The following LINGO2 variants were observed in gnomAD, a reference collection of about 807,000 sequenced individuals.
LINGO2 encodes the protein leucine rich repeat and Ig domain containing 2.
A neutral mutation model predicts 30.6 loss-of-function variants in LINGO2; 14 were observed. The ratio of observed to expected loss-of-function variants is 0.46; its 90% CI spans 0.30 to 0.72. LINGO2 has a LOEUF of 0.72. Ranked by LOEUF, LINGO2 falls within the 30% of genes least tolerant of loss-of-function variation. The pLI is 0.07. For missense variants in LINGO2, 729 were observed against 751.7 expected (o/e 0.97, Z 0.35); for synonymous variants, 317 against 288.5 (o/e 1.10, Z -1.00).
chr9:29,115,213 T>C, the LINGO2 span, among the ~76,000 whole-genome samples: 1 of 151,970 alleles, frequency 6.6e-6, no homozygotes, highest in Admixed American at 6.6e-5. Context: ...TATAGAAAAA[T>C]ATTATCTAAC....
At chr9:28,332,605 G>T (rs370911413) in intron 3 of LINGO2, among the ~76,000 whole-genome samples, 64 of 151,908 alleles carry the variant, frequency 4.2e-4, no homozygotes, top group African/African-American at 1.3e-3. Flanking sequence ...AAGGCAGGGG[G>T]AATGGGGAAA....
chr9:28,340,933 C>T (rs1400022096), intron 3 of LINGO2, among the ~76,000 whole-genome samples: 1 of 151,986 alleles, frequency 6.6e-6, no homozygotes, highest in Non-Finnish European at 1.5e-5. Flanking sequence ...AATTCAAGAG[C>T]ACAGTGTATC....
intron 2 of LINGO2, among the ~76,000 whole-genome samples, chr9:28,408,514 G>A (rs373550801): frequency 8.6e-5 from 13 of 151,394 alleles, no homozygotes; most frequent in African/African-American, 2.9e-4. Flanking sequence ...GCAAACTATC[G>A]CAAGGACAAA....
intron 5 of LINGO2, among the ~76,000 whole-genome samples, chr9:27,964,917 A>T (rs1563862117): frequency 6.6e-6 from 1 of 152,044 alleles, no homozygotes; most frequent in Non-Finnish European, 1.5e-5. Context: ...AAGTATGTAT[A>T]TGTATGTTGC....
the LINGO2 span, among the ~76,000 whole-genome samples, chr9:28,807,853 T>C: frequency 2.6e-5 from 4 of 152,298 alleles, no homozygotes; most frequent in South Asian, 8.3e-4. Flanking sequence ...TGGGTCAGAA[T>C]AGTATTCATT....
the LINGO2 span, among the ~76,000 whole-genome samples, chr9:29,182,261 T>C: frequency 2.6e-5 from 4 of 152,024 alleles, no homozygotes; most frequent in African/African-American, 7.2e-5. Context: ...ATCTCTAACA[T>C]AGCCAGAGAT....
At chr9:29,206,974 G>A in the LINGO2 span, among the ~76,000 whole-genome samples, 187 of 152,014 alleles carry the variant, frequency 1.2e-3, 1 homozygote, top group Non-Finnish European at 1.3e-4. Context: ...GCAGGTGACA[G>A]TCACATCCTC....
At chr9:27,948,792 C>T in exon 6 of LINGO2, 12 of 1,532,012 alleles carry the variant, frequency 7.8e-6, no homozygotes, top group Non-Finnish European at 1.1e-5. Flanking sequence ...TTTACTGTGC[C>T]ATACTGTCTT....
intron 4 of LINGO2, among the ~76,000 whole-genome samples, chr9:28,178,767 T>G (rs969435369): frequency 1.6e-4 from 25 of 152,144 alleles, no homozygotes; most frequent in South Asian, 4.1e-4. Flanking sequence ...CAAATGCATA[T>G]CGTGAATATT....
At chr9:27,979,295 T>C (rs1243326287) in intron 5 of LINGO2, among the ~76,000 whole-genome samples, 1 of 152,092 alleles carries the variant, frequency 6.6e-6, no homozygotes, top group South Asian at 2.1e-4. Context: ...ATCTTACTGG[T>C]CCTCAGTTAC....
At chr9:28,500,406 T>C (rs1297075531) in intron 1 of LINGO2, among the ~76,000 whole-genome samples, 1 of 152,166 alleles carries the variant, frequency 6.6e-6, no homozygotes, top group Non-Finnish European at 1.5e-5. Context: ...GCATTAATAT[T>C]CACTAGAATT....
the LINGO2 span, among the ~76,000 whole-genome samples, chr9:29,108,062 CA>C: frequency 1.3e-5 from 2 of 152,090 alleles, no homozygotes; most frequent in African/African-American, 2.4e-5. Flanking sequence ...GAAGGCACTG[CA>C]AAACTAAATA....
chr9:28,215,625 AT>A (rs1247728561), intron 4 of LINGO2, among the ~76,000 whole-genome samples: 8 of 151,680 alleles, frequency 5.3e-5, no homozygotes, highest in Middle Eastern at 6.8e-3. Flanking sequence ...GTAAAAAAAA[AT>A]GTTAGTCAAG....
the LINGO2 span, among the ~76,000 whole-genome samples, chr9:28,873,249 A>G: frequency 6.6e-6 from 1 of 151,808 alleles, no homozygotes; most frequent in South Asian, 2.1e-4. Context: ...GGGCACCTGT[A>G]ATCTCATCTA....
Position 28,318,357 on chromosome 9 carries a change from A to G in LINGO2, c.-245-22991T>C, listed in dbSNP as rs10968504. Among the ~76,000 whole-genome samples, 2,216 of 152,306 alleles carry G rather than the reference A, an allele frequency of 0.015. 100 individuals are homozygous for G. In the East Asian group the frequency reaches 0.16, roughly 11 times the overall value. ...CTATTTATATCATTGATTTATTCAT[A>G]AGCATATATTATATTGTATAATCTC... On this transcript the variant is annotated intron_variant, in intron 3 of 5. Transcript: ENST00000379992.
chr9:29,073,052 C>T, the LINGO2 span, among the ~76,000 whole-genome samples: 1 of 151,556 alleles, frequency 6.6e-6, no homozygotes, highest in East Asian at 2.0e-4. Flanking sequence ...CCTCCAACCC[C>T]ATCCTTGTGA....
chr9:28,518,723 A>G (rs532252628), intron 1 of LINGO2, among the ~76,000 whole-genome samples: 1 of 152,302 alleles, frequency 6.6e-6, no homozygotes, highest in African/African-American at 2.4e-5. Context: ...AAACTGGACA[A>G]AGTATATAAG....
At chr9:28,760,478 C>T in the LINGO2 span, among the ~76,000 whole-genome samples, 1 of 151,998 alleles carries the variant, frequency 6.6e-6, no homozygotes, top group Non-Finnish European at 1.5e-5. Flanking sequence ...TGTCTCTCTC[C>T]TAAAAGGCTT....
At chr9:28,817,340 A>C in the LINGO2 span, among the ~76,000 whole-genome samples, 323 of 152,344 alleles carry the variant, frequency 2.1e-3, no homozygotes, top group Middle Eastern at 3.4e-3. Flanking sequence ...GCAGAAATAA[A>C]AATAGATTGG....
Sources: allele counts gnomAD v4.1 joint callset (sites outside exome capture counted in the v4.1 genomes callset), GRCh38; gene constraint gnomAD v4.1.1; transcripts MANE v1.5; gene names NCBI Gene and HGNC (gene_info 2026-07-23, HGNC 2026-07-21).